ATP8B4: variants seen among roughly 807,000 people sequenced by gnomAD.
ATP8B4 encodes the protein ATPase phospholipid transporting 8B4 (putative), also known as probable phospholipid-transporting ATPase IM.
Under a neutral mutation model 145.6 loss-of-function variants are expected in ATP8B4, and 133 were observed. That is an observed-to-expected ratio of 0.91 (90% CI 0.79 to 1.05). The LOEUF (loss-of-function observed/expected upper bound fraction) is 1.05. Ranked by LOEUF, ATP8B4 falls within the 50% of genes least tolerant of loss-of-function variation. The probability of loss-of-function intolerance (pLI) is 0.00; values close to 1 mark genes in which losing one functional copy is unlikely to be tolerated. For missense variants in ATP8B4, 1,458 were observed against 1,425.2 expected (o/e 1.02, Z -0.37); for synonymous variants, 507 against 492.9 (o/e 1.03, Z -0.38).
chr15:50,086,227 T>C (rs1245523707), intron 2 of ATP8B4, among the ~76,000 whole-genome samples: 2 of 106,724 alleles, frequency 1.9e-5, no homozygotes, highest in Non-Finnish European at 3.3e-5. Flanking sequence ...ATATTTATTA[T>C]ATATAATAAA....
At chr15:50,126,252 A>C (rs1043949042) in intron 1 of ATP8B4, among the ~76,000 whole-genome samples, 64 of 151,906 alleles carry the variant, frequency 4.2e-4, no homozygotes, top group Non-Finnish European at 7.9e-4. Flanking sequence ...AAAAAAAAAA[A>C]AAAACACTTC....
At chr15:49,955,429 A>C (rs1350071285) in intron 14 of ATP8B4, among the ~76,000 whole-genome samples, 1 of 152,232 alleles carries the variant, frequency 6.6e-6, no homozygotes, top group East Asian at 1.9e-4. Flanking sequence ...TGCACTGTTC[A>C]TAGAAATGTA....
intron 14 of ATP8B4, among the ~76,000 whole-genome samples, chr15:49,950,562 T>C (rs528701823): frequency 1.3e-5 from 2 of 148,250 alleles, no homozygotes; most frequent in East Asian, 2.0e-4. Context: ...TCTTCTTTTT[T>C]AGTCTAGCTA....
chr15:50,056,884 TTC>T (rs1353676471), intron 3 of ATP8B4, among the ~76,000 whole-genome samples: 2 of 151,920 alleles, frequency 1.3e-5, no homozygotes, highest in Non-Finnish European at 2.9e-5. Flanking sequence ...ATAGATTAAT[TTC>T]TTTTTATTTT....
chr15:50,122,967 CA>C (rs1391937370), upstream of ATP8B4, among the ~76,000 whole-genome samples: 1 of 152,106 alleles, frequency 6.6e-6, no homozygotes, highest in Non-Finnish European at 1.5e-5. Context: ...AAATAAATAA[CA>C]AATGGATAAA....
At position 50,035,405 on chromosome 15, in the gene ATP8B4, A is replaced by G. The variant is rs555271089; in HGVS notation, c.362+3363T>C. ...TACAAAGCCCTTCAAACATAAAATAAATAGAGAAGACTTGATGAGACCACA... is the reference window on the plus strand; with the variant it reads ...TACAAAGCCCTTCAAACATAAAATAGATAGAGAAGACTTGATGAGACCACA... On this transcript the variant is annotated intron_variant, in intron 6 of 27. Transcript: ENST00000284509. Among the ~76,000 whole-genome samples, 109 of 152,320 alleles carry G rather than the reference A, an allele frequency of 7.2e-4. 1 individual carries two copies. The highest frequency in any genetic ancestry group is 1.4e-3 in the Non-Finnish European group (93 of 68,030).
chr15:50,064,266 C>CT (rs2153626815), intron 3 of ATP8B4, among the ~76,000 whole-genome samples: 1 of 152,172 alleles, frequency 6.6e-6, no homozygotes, highest in East Asian at 1.9e-4. Context: ...TAGATGACAC[C>CT]TGAACAGCCA....
chr15:49,897,301 G>A lies in ATP8B4; in HGVS notation c.2688C>T (p.Phe896=), dbSNP rs1465387214. The A allele has an allele frequency of 6.2e-7, 1 of 1,607,092 alleles. No individual in the cohort carries two copies. The highest frequency in any genetic ancestry group is 1.3e-5 in the African/African-American group (1 of 74,380). ...ACATGCTTTTACCAACCTGGGCTGA[G>A]AAACCACAGAAGAAACCAAACCAGA... ...VHFWFGFFCG[F]SAQTVYDQWF... is the part of the protein sequence containing the mutation. The change falls in exon 23 of 28, where the codon TTC becomes TTT. Residue 896 remains phenylalanine (F), a synonymous_variant. Coordinates refer to ENST00000284509, the MANE Select transcript of ATP8B4 (RefSeq NM_024837.4).
Position 50,158,972 on chromosome 15 carries a change from G to A in ATP8B4, c.-43+23289C>T, listed in dbSNP as rs533507801. ...ACCCAAGGACACAAACACTGCGGAA[G>A]GCCGCAGGGTCCTCTGCCTAGGAAA... On this transcript the variant is annotated intron_variant, in intron 1 of 3. Transcript: ENST00000558829. Among the ~76,000 whole-genome samples the A allele has an allele frequency of 9.2e-5, 14 of 152,308 alleles. No homozygotes were observed. In the East Asian group the frequency reaches 2.1e-3, roughly 23 times the overall value.
Position 50,085,963 on chromosome 15 carries a change from T to TA in ATP8B4, c.29-11779_29-11778insT, listed in dbSNP as rs1567331356. Among the ~76,000 whole-genome samples, 5 of 53,802 alleles carry TA rather than the reference T, an allele frequency of 9.3e-5. 1 individual carries two copies. Among genetic ancestry groups the TA allele is most frequent in the African/African-American group, 5.5e-4 (5 of 9,030 alleles). The allele number at this position is 53,802 out of a possible 152,430, so 35.3% of individuals were successfully genotyped here. On this transcript the variant is annotated intron_variant, in intron 2 of 27. Transcript: ENST00000284509. The stretch of plus-strand genomic sequence containing the variant: ...TATATATGATATATATCATATATAT[T>TA]TATATATGATATATCAAATATATCA...
chr15:49,958,496 C>T (rs1459156053), intron 14 of ATP8B4, among the ~76,000 whole-genome samples: 1 of 151,562 alleles, frequency 6.6e-6, no homozygotes, highest in Admixed American at 6.6e-5. Flanking sequence ...GAAGGGGCAA[C>T]TAAACTATTT....
At chr15:50,162,663 C>T (rs896265066) in intron 1 of ATP8B4, among the ~76,000 whole-genome samples, 26 of 152,208 alleles carry the variant, frequency 1.7e-4, no homozygotes, top group Non-Finnish European at 2.6e-4. Flanking sequence ...CCCGCCACCA[C>T]GCCCGGCTAA....
chr15:49,911,579 C>T (rs1319930047), intron 20 of ATP8B4, among the ~76,000 whole-genome samples: 1 of 152,026 alleles, frequency 6.6e-6, no homozygotes, highest in Non-Finnish European at 1.5e-5. Flanking sequence ...GACTCCAATA[C>T]AATAATAATG....
intron 12 of ATP8B4, 107 bp downstream of exon 12, chr15:49,979,510 A>G: frequency 1.2e-6 from 1 of 858,720 alleles, no homozygotes. Flanking sequence ...GATCATAAGC[A>G]GTTAAGAGCA....
At chr15:49,879,072 G>T (rs1291274839) in intron 24 of ATP8B4, among the ~76,000 whole-genome samples, 4 of 152,178 alleles carry the variant, frequency 2.6e-5, no homozygotes, top group Non-Finnish European at 1.5e-5. Context: ...GGAAATGCTG[G>T]GTTAAAATGA....
chr15:50,163,363 G>A (rs573017177), intron 1 of ATP8B4, among the ~76,000 whole-genome samples: 5 of 152,372 alleles, frequency 3.3e-5, no homozygotes, highest in African/African-American at 9.6e-5. Context: ...GCCCAGTAAC[G>A]TTGTGACTCT....
At chr15:50,070,993 G>A (rs944811516) in intron 3 of ATP8B4, among the ~76,000 whole-genome samples, 4 of 151,992 alleles carry the variant, frequency 2.6e-5, no homozygotes, top group Admixed American at 6.6e-5. Flanking sequence ...CACCCACCTC[G>A]GACTCCCAAA....
chr15:49,965,128 G>C (rs1339126050), intron 13 of ATP8B4, among the ~76,000 whole-genome samples: 1 of 152,202 alleles, frequency 6.6e-6, no homozygotes, highest in African/African-American at 2.4e-5. Flanking sequence ...AGTCCAGGTT[G>C]GAAATCATCT....
At chr15:49,955,065 G>A (rs2043437472) in intron 14 of ATP8B4, among the ~76,000 whole-genome samples, 1 of 152,126 alleles carries the variant, frequency 6.6e-6, no homozygotes, top group Non-Finnish European at 1.5e-5. Flanking sequence ...TTAAGCAAAC[G>A]TAGAAACAGA....
Sources: allele counts gnomAD v4.1 joint callset (sites outside exome capture counted in the v4.1 genomes callset), GRCh38; gene constraint gnomAD v4.1.1; transcripts MANE v1.5; gene names NCBI Gene and HGNC (gene_info 2026-07-23, HGNC 2026-07-21).